Variants in KRTAP19-5 observed in about 807,000 individuals in gnomAD.
KRTAP19-5 encodes keratin-associated protein 19-5.
For missense variants in KRTAP19-5, 91 were observed against 96.1 expected (o/e 0.95, Z 0.22); for synonymous variants, 44 against 40.7 (o/e 1.08, Z -0.31).
In KRTAP19-5 at chr21:30,502,026, C is replaced by T. The variant is rs150866063; in HGVS notation, c.65G>A (p.Gly22Asp). 1.3e-5 allele frequency: 21 copies of T among 1,613,994 alleles called. No homozygotes were observed. In the African/African-American group the frequency reaches 2.4e-4, roughly 18 times the overall value. Residue 22 changes from glycine (G) to aspartate (D), a missense_variant, in exon 1 of 1, where the codon GGC (glycine) becomes GAC (aspartate). Transcript: ENST00000334151. ...GCCACATCCACAGCCATAGCCATAG[C>T]CCAGGTCATCGAAGCCTCCGTAGCC... ...GYGYGGFDDLGYGYGCGCGSF... is the reference protein window; with the variant it reads ...GYGYGGFDDLDYGYGCGCGSF...
chr21:30,502,055 G>GC, the KRTAP19-5 span: 1 of 1,614,168 alleles, frequency 6.2e-7, no homozygotes, highest in Non-Finnish European at 8.5e-7. Flanking sequence ...CGTAGCCGTA[G>GC]CCCAGGCCTC....
rs374652724 is a variant in KRTAP19-5, at chr21:30,501,830, A to T, written c.*42T>A. ...TTGTTATTGCAGTCAGGTTTGGGTG[A>T]TCTTCTTATGTCCCCTCATGTTAGG... is the stretch of plus-strand genomic sequence containing the variant. On this transcript the variant is annotated 3_prime_UTR_variant, in exon 1 of 1. Coordinates refer to ENST00000334151, the MANE Select transcript of KRTAP19-5 (RefSeq NM_181611.3). 4.2e-5 allele frequency: 66 copies of T among 1,589,476 alleles called. No individual in the cohort carries two copies. The highest frequency in any genetic ancestry group is 4.7e-5 in the Non-Finnish European group (54 of 1,157,890).
At position 30,501,950 on chromosome 21, in the gene KRTAP19-5, G is replaced by A; in HGVS notation, c.141C>T (p.Gly47=). 6.2e-7 allele frequency: 1 copy of A among 1,614,118 alleles called. No individual in the cohort carries two copies. Among genetic ancestry groups the A allele is most frequent in the Non-Finnish European group, 8.5e-7 (1 of 1,180,014 alleles). ...YGGGYGGYGY[G]SGFGGYGYRS... is the part of the protein sequence containing the mutation. Reference sequence around the variant, plus strand: ...GGTATCCATAGCCTCCGAAGCCAGAGCCGTATCCGTAGCCTCCGTAGCCAC... The same window carrying A: ...GGTATCCATAGCCTCCGAAGCCAGAACCGTATCCGTAGCCTCCGTAGCCAC... The change falls in exon 1 of 1, where the codon GGC becomes GGT. Residue 47 remains glycine (G), a synonymous_variant. Transcript: ENST00000334151.
Position 30,501,929 on chromosome 21 carries a change from T to A in KRTAP19-5, c.162A>T (p.Gly54=). The A allele has an allele frequency of 6.2e-7, 1 of 1,614,108 alleles. No individual in the cohort carries two copies. The highest frequency in any genetic ancestry group is 8.5e-7 in the Non-Finnish European group (1 of 1,180,018). ...YGYGSGFGGY[G]YRSCRPSCYG... is the part of the protein sequence containing the mutation. ...AGCATGATGGACGGCAGCTGCGGTA[T>A]CCATAGCCTCCGAAGCCAGAGCCGT... The change falls in exon 1 of 1, where the codon GGA becomes GGT. Residue 54 remains glycine (G), a synonymous_variant. Transcript: ENST00000334151.
chr21:30,502,037 G>T lies in KRTAP19-5; in HGVS notation c.54C>A (p.Phe18Leu), dbSNP rs1270382062. 1 of 1,614,122 alleles carries T rather than the reference G, an allele frequency of 6.2e-7. No homozygotes were observed. The highest frequency in any genetic ancestry group is 1.3e-5 in the African/African-American group (1 of 75,018). ...YGGLGYGYGG[F>L]DDLGYGYGCG... is the part of the protein sequence containing the mutation. ...AGCCATAGCCATAGCCCAGGTCATCGAAGCCTCCGTAGCCGTAGCCCAGGC... is the reference window on the plus strand; with the variant it reads ...AGCCATAGCCATAGCCCAGGTCATCTAAGCCTCCGTAGCCGTAGCCCAGGC... Residue 18 changes from phenylalanine to leucine, a missense_variant, in exon 1 of 1, where the codon TTC becomes TTA. By Grantham distance (22) the Phe-to-Leu change is conservative. Transcript: ENST00000334151.
In KRTAP19-5 at chr21:30,501,947, A is replaced by G. The variant is rs750650667; in HGVS notation, c.144T>C (p.Ser48=). The change falls in exon 1 of 1, where the codon TCT becomes TCC. Residue 48 remains serine (S), a synonymous_variant. Transcript: ENST00000334151. ...GGGYGGYGYG[S]GFGGYGYRSC... is the part of the protein sequence containing the mutation. ...TGCGGTATCCATAGCCTCCGAAGCC[A>G]GAGCCGTATCCGTAGCCTCCGTAGC... 6.2e-7 allele frequency: 1 copy of G among 1,614,158 alleles called. No individual in the cohort carries two copies. The highest frequency in any genetic ancestry group is 1.1e-5 in the South Asian group (1 of 91,084).
At position 30,501,791 on chromosome 21, in the gene KRTAP19-5, G is replaced by A. The variant is rs1354532020; in HGVS notation, c.*81C>T. ...GCTCTTGATCTTGGCTTGATCCAGG[G>A]TGACCTCGTTTGTTTGTTATTGCAG... is the stretch of plus-strand genomic sequence containing the variant. On this transcript the variant is annotated 3_prime_UTR_variant, in exon 1 of 1. Coordinates refer to ENST00000334151, the MANE Select transcript of KRTAP19-5 (RefSeq NM_181611.3). The A allele has an allele frequency of 7.5e-7, 1 of 1,325,882 alleles. No homozygotes were observed. The highest frequency in any genetic ancestry group is 1.1e-6 in the Non-Finnish European group (1 of 921,252). The allele number at this position is 1,325,882 out of a possible 1,614,324, so 82.1% of individuals were successfully genotyped here.
chr21:30,501,994 G>A lies in KRTAP19-5; in HGVS notation c.97C>T (p.Arg33Cys), dbSNP rs142713888. 3.3e-5 allele frequency: 54 copies of A among 1,613,944 alleles called. No individual in the cohort carries two copies. In the African/African-American group the frequency reaches 3.6e-4, roughly 11 times the overall value. ...YGYGCGCGSF[R>C]RLGYGGGYGG... ...TAGCCACCGCCATAGCCCAGTCTGC[G>A]GAAGCTGCCACATCCACAGCCATAG... Residue 33 changes from arginine (R) to cysteine (C), a missense_variant, in exon 1 of 1, where the codon CGC (arginine) becomes TGC (cysteine). Coordinates refer to ENST00000334151, the MANE Select transcript of KRTAP19-5 (RefSeq NM_181611.3).
At position 30,501,904 on chromosome 21, in the gene KRTAP19-5, A is replaced by T. The variant is rs779224503; in HGVS notation, c.187T>A (p.Tyr63Asn). ...YGYRSCRPSC[Y>N]GGYGFSGFY The stretch of plus-strand genomic sequence containing the variant: ...AATCCAGAGAATCCATATCCTCCAT[A>T]GCATGATGGACGGCAGCTGCGGTAT... The change falls in exon 1 of 1, where the codon TAT becomes AAT. Residue 63 changes from tyrosine to asparagine, a missense_variant. Coordinates refer to ENST00000334151, the MANE Select transcript of KRTAP19-5 (RefSeq NM_181611.3). 1.9e-6 allele frequency: 3 copies of T among 1,614,148 alleles called. No homozygotes were observed. The South Asian group carries it at 3.3e-5, about 18-fold the overall frequency.
rs748465697 is a variant in KRTAP19-5 at position 30,502,138 on chromosome 21, G to C, written c.-48C>G. 2.0e-6 allele frequency: 3 copies of C among 1,473,310 alleles called. No individual in the cohort carries two copies. The highest frequency in any genetic ancestry group is 1.4e-5 in the African/African-American group (1 of 72,190). The allele number at this position is 1,473,310 out of a possible 1,614,324, so 91.3% of individuals were successfully genotyped here. The stretch of plus-strand genomic sequence containing the variant: ...TATGCTGCTCAAGGCAAGATCCTGA[G>C]TGTGAACACCAGCATGTGTAGGAGG... On this transcript the variant is annotated 5_prime_UTR_variant, in exon 1 of 1. Coordinates refer to ENST00000334151, the MANE Select transcript of KRTAP19-5 (RefSeq NM_181611.3).
In KRTAP19-5 at chr21:30,501,794, ACCT is replaced by A; in HGVS notation, c.*75_*77del. On this transcript the variant is annotated 3_prime_UTR_variant, in exon 1 of 1. Transcript: ENST00000334151. The stretch of plus-strand genomic sequence containing the variant: ...CTTGATCTTGGCTTGATCCAGGGTG[ACCT>A]CGTTTGTTTGTTATTGCAGTCAGGT... 7.4e-7 allele frequency: 1 copy of A among 1,348,758 alleles called. No individual in the cohort carries two copies. The highest frequency in any genetic ancestry group is 1.1e-6 in the Non-Finnish European group (1 of 941,330). 83.5% of individuals were successfully genotyped at this position (1,348,758 alleles called of 1,614,324 possible).
rs1986243211 is a variant in KRTAP19-5, at chr21:30,501,938, T to A, written c.153A>T (p.Gly51=). The change falls in exon 1 of 1, where the codon GGA becomes GGT. Residue 51 remains glycine, a synonymous_variant. Transcript: ENST00000334151. ...GACGGCAGCTGCGGTATCCATAGCCTCCGAAGCCAGAGCCGTATCCGTAGC... is the reference window on the plus strand; with the variant it reads ...GACGGCAGCTGCGGTATCCATAGCCACCGAAGCCAGAGCCGTATCCGTAGC... ...YGGYGYGSGF[G]GYGYRSCRPS... The A allele has an allele frequency of 3.1e-6, 5 of 1,613,904 alleles. No individual in the cohort carries two copies. In the African/African-American group the frequency reaches 4.0e-5, roughly 13 times the overall value.
chr21:30,501,835 C>T lies in KRTAP19-5; in HGVS notation c.*37G>A, dbSNP rs377629413. 6.3e-6 allele frequency: 10 copies of T among 1,598,254 alleles called. No individual in the cohort carries two copies. The African/African-American group carries it at 1.3e-4, about 21-fold the overall frequency. On this transcript the variant is annotated 3_prime_UTR_variant, in exon 1 of 1. Transcript: ENST00000334151. Reference sequence around the variant, plus strand: ...ATTGCAGTCAGGTTTGGGTGATCTTCTTATGTCCCCTCATGTTAGGTTGTC... The same window carrying T: ...ATTGCAGTCAGGTTTGGGTGATCTTTTTATGTCCCCTCATGTTAGGTTGTC...
Position 30,502,015 on chromosome 21 carries a change from C to T in KRTAP19-5, c.76G>A (p.Gly26Ser), listed in dbSNP as rs148788058. The change falls in exon 1 of 1, where the codon GGC becomes AGC. Residue 26 changes from glycine to serine, a missense_variant. Physicochemically the swap from Gly to Ser is moderately conservative, Grantham distance 56. Transcript: ENST00000334151. ...CTGCGGAAGCTGCCACATCCACAGC[C>T]ATAGCCATAGCCCAGGTCATCGAAG... The part of the protein sequence containing the change: ...GGFDDLGYGY[G>S]CGCGSFRRLG... 5 of 1,614,042 alleles carry T rather than the reference C, an allele frequency of 3.1e-6. No homozygotes were observed. In the South Asian group the frequency reaches 3.3e-5, roughly 11 times the overall value.
chr21:30,501,816 G>C lies in KRTAP19-5; in HGVS notation c.*56C>G, dbSNP rs1010711580. ...GTGACCTCGTTTGTTTGTTATTGCA[G>C]TCAGGTTTGGGTGATCTTCTTATGT... On this transcript the variant is annotated 3_prime_UTR_variant, in exon 1 of 1. Transcript: ENST00000334151. The C allele has an allele frequency of 6.5e-7, 1 of 1,540,742 alleles. No individual in the cohort carries two copies. Among genetic ancestry groups the C allele is most frequent in the Non-Finnish European group, 9.0e-7 (1 of 1,113,794 alleles).
rs144381850 is a variant in KRTAP19-5 at position 30,502,002 on chromosome 21, C to A, written c.89G>T (p.Gly30Val). 99 of 1,614,028 alleles carry A rather than the reference C, an allele frequency of 6.1e-5. No homozygotes were observed. Among genetic ancestry groups the A allele is most frequent in the Non-Finnish European group, 8.2e-5 (97 of 1,180,018 alleles). ...GCCATAGCCCAGTCTGCGGAAGCTG[C>A]CACATCCACAGCCATAGCCATAGCC... is the stretch of plus-strand genomic sequence containing the variant. ...DLGYGYGCGC[G>V]SFRRLGYGGG... The change falls in exon 1 of 1, where the codon GGC becomes GTC. Residue 30 changes from glycine to valine, a missense_variant. Gly to Val is a moderately radical substitution (Grantham distance 109). Coordinates refer to ENST00000334151, the MANE Select transcript of KRTAP19-5 (RefSeq NM_181611.3).
Position 30,501,755 on chromosome 21 carries a change from A to T in KRTAP19-5, c.*117T>A, listed in dbSNP as rs1030453143. 7 of 881,798 alleles carry T rather than the reference A, an allele frequency of 7.9e-6. No individual in the cohort carries two copies. Among genetic ancestry groups the T allele is most frequent in the Non-Finnish European group, 1.3e-5 (7 of 533,464 alleles). 54.6% of individuals were successfully genotyped at this position (881,798 alleles called of 1,614,324 possible). The stretch of plus-strand genomic sequence containing the variant: ...AATGATAGGTATTCTTAAACCTCTT[A>T]GATGCTAACTGCTCTTGATCTTGGC... On this transcript the variant is annotated 3_prime_UTR_variant, in exon 1 of 1. Transcript: ENST00000334151.
chr21:30,501,863 G>A lies in KRTAP19-5; in HGVS notation c.*9C>T. 1.2e-6 allele frequency: 2 copies of A among 1,612,898 alleles called. No individual in the cohort carries two copies. The highest frequency in any genetic ancestry group is 1.7e-6 in the Non-Finnish European group (2 of 1,178,910). ...ATGTCCCCTCATGTTAGGTTGTCAGGGAAGGATTTCAATAAAATCCAGAGA... is the reference window on the plus strand; with the variant it reads ...ATGTCCCCTCATGTTAGGTTGTCAGAGAAGGATTTCAATAAAATCCAGAGA... On this transcript the variant is annotated 3_prime_UTR_variant, in exon 1 of 1. Coordinates refer to ENST00000334151, the MANE Select transcript of KRTAP19-5 (RefSeq NM_181611.3).
In KRTAP19-5 at chr21:30,501,897, C is replaced by T. The variant is rs188320996; in HGVS notation, c.194G>A (p.Gly65Glu). 6.2e-7 allele frequency: 1 copy of T among 1,614,122 alleles called. No homozygotes were observed. The highest frequency in any genetic ancestry group is 2.2e-5 in the East Asian group (1 of 44,870). ...YRSCRPSCYG[G>E]YGFSGFY ...TCAATAAAATCCAGAGAATCCATAT[C>T]CTCCATAGCATGATGGACGGCAGCT... is the stretch of plus-strand genomic sequence containing the variant. Residue 65 changes from glycine (G) to glutamate (E), a missense_variant, in exon 1 of 1, where the codon GGA becomes GAA. Gly to Glu is a moderately conservative substitution (Grantham distance 98). Transcript: ENST00000334151.
Sources: gnomAD v4.1 joint callset for allele counts on GRCh38, gnomAD v4.1.1 for gene constraint, MANE v1.5 for transcripts, NCBI Gene and HGNC (gene_info 2026-07-23, HGNC 2026-07-21) for gene names.